FAM135A: variants seen among roughly 807,000 people sequenced by gnomAD.
The protein encoded by FAM135A is protein FAM135A.
A neutral mutation model predicts 146.8 loss-of-function variants in FAM135A; 79 were observed. The observed-to-expected ratio is 0.54, with a 90% CI of 0.45 to 0.65. The LOEUF (loss-of-function observed/expected upper bound fraction) is 0.65, where lower values mean the gene tolerates loss of function less well. FAM135A is among the 30% of genes least tolerant of loss of function. The pLI is 0.00. For missense variants in FAM135A, 1,623 were observed against 1,758.2 expected (o/e 0.92, Z 1.38); for synonymous variants, 562 against 603.6 (o/e 0.93, Z 1.01).
intron 11 of FAM135A, among the ~76,000 whole-genome samples, chr6:70,498,073 A>C (rs57403645): frequency 0.052 from 7,867 of 152,200 alleles, 549 homozygotes; most frequent in African/African-American, 0.16. Flanking sequence ...TTGTACCTCT[A>C]GTAGAATTCG....
intron 20 of FAM135A, among the ~76,000 whole-genome samples, chr6:70,549,914 A>G (rs1011621837): frequency 1.3e-5 from 2 of 152,154 alleles, no homozygotes; most frequent in Non-Finnish European, 2.9e-5. Context: ...TCAACTCTTT[A>G]TGTAATATTC....
intron 2 of FAM135A, among the ~76,000 whole-genome samples, chr6:70,419,570 C>G (rs1290671616): frequency 2.0e-5 from 3 of 152,208 alleles, no homozygotes; most frequent in Admixed American, 2.0e-4. Flanking sequence ...TCCCATCATT[C>G]CCATCTTATT....
chr6:70,465,675 T>G (rs976258822), intron 5 of FAM135A, among the ~76,000 whole-genome samples: 1 of 152,142 alleles, frequency 6.6e-6, no homozygotes, highest in African/African-American at 2.4e-5. Flanking sequence ...CCACACACTG[T>G]GTGTGGCCAG....
intron 4 of FAM135A, among the ~76,000 whole-genome samples, chr6:70,440,830 G>T (rs1368427918): frequency 1.3e-5 from 2 of 152,030 alleles, no homozygotes; most frequent in East Asian, 1.9e-4. Context: ...TTGCAGGAAA[G>T]CTGTCTCAAA....
chr6:70,451,473 C>T (rs1436145043), intron 4 of FAM135A, among the ~76,000 whole-genome samples: 2 of 152,120 alleles, frequency 1.3e-5, no homozygotes, highest in Non-Finnish European at 1.5e-5. Context: ...ACAGTTTTCT[C>T]ATGTTTTCAA....
rs78875539 is a variant in FAM135A, at chr6:70,515,023, G to A, written c.1030-7490G>A. ...TCTGTATGGGGGAAATAAAATATCC[G>A]TTATCATATGTTATTAGAGAATTAC... On this transcript the variant is annotated intron_variant, in intron 12 of 21. Coordinates refer to ENST00000418814, the MANE Select transcript of FAM135A (RefSeq NM_001162529.3). Among the ~76,000 whole-genome samples the A allele has an allele frequency of 4.7e-3, 721 of 152,246 alleles. 8 individuals carry two copies. The highest frequency in any genetic ancestry group is 0.016 in the African/African-American group (670 of 41,532).
At chr6:70,492,811 T>C (rs976408087) in intron 11 of FAM135A, among the ~76,000 whole-genome samples, 1 of 152,030 alleles carries the variant, frequency 6.6e-6, no homozygotes. Flanking sequence ...TTTGCAAGAA[T>C]AAAAGTGACT....
chr6:70,438,046 G>GA (rs1213222179), intron 4 of FAM135A, among the ~76,000 whole-genome samples: 1 of 151,682 alleles, frequency 6.6e-6, no homozygotes, highest in East Asian at 1.9e-4. Context: ...GTGGTTATTG[G>GA]AAAAAAAGAA....
chr6:70,554,312 C>A (rs1800413368), intron 20 of FAM135A, among the ~76,000 whole-genome samples: 1 of 152,132 alleles, frequency 6.6e-6, no homozygotes, highest in South Asian at 2.1e-4. Flanking sequence ...CCTGAAATAA[C>A]CATTGTATTT....
At chr6:70,458,472 G>A (rs1022442428) in intron 5 of FAM135A, among the ~76,000 whole-genome samples, 5 of 152,224 alleles carry the variant, frequency 3.3e-5, no homozygotes, top group African/African-American at 1.2e-4. Flanking sequence ...AAGTGGCTCT[G>A]AACAAATTGT....
At chr6:70,517,311 A>G (rs897247579) in intron 12 of FAM135A, among the ~76,000 whole-genome samples, 3 of 152,062 alleles carry the variant, frequency 2.0e-5, no homozygotes, top group African/African-American at 4.8e-5. Flanking sequence ...TGAGTGGATC[A>G]CTTGAGCCCA....
chr6:70,533,776 T>C lies in FAM135A; in HGVS notation c.3887T>C (p.Phe1296Ser). Residue 1296 changes from phenylalanine to serine, a missense_variant, in exon 18 of 22, where the codon TTT (phenylalanine) becomes TCT (serine). By Grantham distance (155) the Phe-to-Ser change is radical (BLOSUM62 -2). Transcript: ENST00000418814. Reference protein sequence around the residue: ...ERNQNDTFADFDSMTDRLLDE... With the variant: ...ERNQNDTFADSDSMTDRLLDE... ...TTTTAGAATGATACTTTTGCTGATT[T>C]TGATAGCATGACTGATCGTCTTTTG... The C allele has an allele frequency of 6.3e-7, 1 of 1,586,340 alleles. No homozygotes were observed. The highest frequency in any genetic ancestry group is 8.6e-7 in the Non-Finnish European group (1 of 1,169,032).
intron 20 of FAM135A, among the ~76,000 whole-genome samples, chr6:70,554,411 C>T (rs772021191): frequency 6.6e-6 from 1 of 152,046 alleles, no homozygotes; most frequent in Non-Finnish European, 1.5e-5. Context: ...TTAGCATTGT[C>T]TAGGTCATTG....
rs113144630 is a variant in FAM135A at position 70,500,428 on chromosome 6, G to A, written c.874-2208G>A. ...GCTTCCTTGCATTGGGTTAGGACAT[G>A]CTCCTTTAGCTCAGAGGAGTTTGTT... On this transcript the variant is annotated intron_variant, in intron 11 of 21. Coordinates refer to ENST00000418814, the MANE Select transcript of FAM135A (RefSeq NM_001162529.3). Among the ~76,000 whole-genome samples, 638 of 152,200 alleles carry A rather than the reference G, an allele frequency of 4.2e-3. 3 individuals are homozygous for A. The highest frequency in any genetic ancestry group is 0.015 in the African/African-American group (602 of 41,516).
chr6:70,503,914 C>A (rs571434158), intron 12 of FAM135A: 1 of 152,164 alleles, frequency 6.6e-6, no homozygotes, highest in African/African-American at 2.4e-5. Flanking sequence ...TCTTGGATTA[C>A]TTCTAACTTG....
chr6:70,557,610 C>T (rs1490372396), intron 21 of FAM135A: 1 of 144,394 alleles, frequency 6.9e-6, no homozygotes, highest in Non-Finnish European at 1.5e-5. Flanking sequence ...ACGAGAATAG[C>T]TTGAACCCGG....
chr6:70,501,582 G>T (rs543437653), intron 11 of FAM135A, among the ~76,000 whole-genome samples: 33 of 152,336 alleles, frequency 2.2e-4, no homozygotes, highest in Non-Finnish European at 3.2e-4. Context: ...TGCCCAAACA[G>T]CTGCCCAGTT....
At chr6:70,527,414 C>T (rs1794969521) in intron 15 of FAM135A, among the ~76,000 whole-genome samples, 1 of 152,004 alleles carries the variant, frequency 6.6e-6, no homozygotes, top group South Asian at 2.1e-4. Flanking sequence ...CTGATTTATA[C>T]ACAGAAATTA....
In FAM135A at chr6:70,475,549, G is replaced by A; in HGVS notation, c.297G>A (p.Lys99=). ...TAAAAATGCTATTGGATGAAAGAAAGGTAAACATCTCTTCATATTTATTTA... is the reference window on the plus strand; with the variant it reads ...TAAAAATGCTATTGGATGAAAGAAAAGTAAACATCTCTTCATATTTATTTA... ...FKVKMLLDER[K]IEETLEEMNF... The change falls in exon 6 of 22, where the codon AAG becomes AAA. Residue 99 remains lysine, a splice_region_variant and synonymous_variant. Transcript: ENST00000418814. 4 of 1,585,046 alleles carry A rather than the reference G, an allele frequency of 2.5e-6. No individual in the cohort carries two copies. Among genetic ancestry groups the A allele is most frequent in the Admixed American group, 1.8e-5 (1 of 55,350 alleles).
Sources: gnomAD v4.1 joint callset for allele counts (sites outside exome capture counted in the v4.1 genomes callset) on GRCh38, gnomAD v4.1.1 for gene constraint, MANE v1.5 for transcripts, NCBI Gene and HGNC (gene_info 2026-07-23, HGNC 2026-07-21) for gene names.